Variants in EIF2B3 observed in about 807,000 individuals in gnomAD.
EIF2B3 encodes the protein translation initiation factor eIF2B subunit gamma.
A neutral mutation model predicts 54.1 loss-of-function variants in EIF2B3; 20 were observed. The ratio of observed to expected loss-of-function variants is 0.37; its 90% CI spans 0.26 to 0.54. The LOEUF is 0.54. Among genes scored for constraint, EIF2B3 ranks in the 20% least tolerant of loss-of-function variants. The pLI, the probability that EIF2B3 is intolerant of heterozygous loss-of-function variation, is 0.86. For missense variants in EIF2B3, 448 were observed against 547.8 expected (o/e 0.82, Z 1.82); for synonymous variants, 153 against 188.1 (o/e 0.81, Z 1.52).
chr1:44,951,953 A>T (rs1271585730), intron 3 of EIF2B3, among the ~76,000 whole-genome samples: 8 of 57,494 alleles, frequency 1.4e-4, no homozygotes, highest in African/African-American at 6.2e-4. Context: ...ATGCCTGGCT[A>T]ATTTTTTTTT....
At position 44,959,318 on chromosome 1, in the gene EIF2B3, G is replaced by A; in HGVS notation, c.295-17653C>T. ...CCTGAAACCAGCAACAGCTTATTTA[G>A]TTTTGCCTCTCCTCTCTGAGTGGTG... On this transcript the variant is annotated intron_variant, in intron 3 of 11. Coordinates refer to ENST00000360403, the MANE Select transcript of EIF2B3 (RefSeq NM_020365.5). 4.8e-6 allele frequency: 3 copies of A among 619,286 alleles called. No homozygotes were observed. The South Asian group carries it at 5.0e-5, about 10-fold the overall frequency. The allele number at this position is 619,286 out of a possible 1,614,324, so 38.4% of individuals were successfully genotyped here.
At chr1:44,974,260 T>G (rs72885293) in intron 3 of EIF2B3, among the ~76,000 whole-genome samples, 22 of 151,288 alleles carry the variant, frequency 1.5e-4, no homozygotes, top group Non-Finnish European at 2.7e-4. Flanking sequence ...GTATCACTTC[T>G]GTCCAGGAGT....
chr1:44,967,836 G>A (rs1328430591), intron 3 of EIF2B3, among the ~76,000 whole-genome samples: 3 of 151,304 alleles, frequency 2.0e-5, no homozygotes, highest in Non-Finnish European at 4.4e-5. Context: ...TCAGGAGTTC[G>A]AGACCAGCCT....
At chr1:44,866,934 G>GA (rs1654803538) in intron 10 of EIF2B3, among the ~76,000 whole-genome samples, 1 of 152,208 alleles carries the variant, frequency 6.6e-6, no homozygotes, top group Admixed American at 6.5e-5. Context: ...ATTTTTACAG[G>GA]AAAGAGCTCC....
At chr1:44,885,017 G>T (rs1057272147) in intron 6 of EIF2B3, among the ~76,000 whole-genome samples, 12 of 152,230 alleles carry the variant, frequency 7.9e-5, no homozygotes, top group African/African-American at 2.7e-4. Flanking sequence ...TTAAAGTGCA[G>T]GCAGCTCAGA....
intron 3 of EIF2B3, among the ~76,000 whole-genome samples, chr1:44,954,550 C>T (rs964083240): frequency 2.0e-5 from 3 of 152,106 alleles, no homozygotes; most frequent in Non-Finnish European, 4.4e-5. Flanking sequence ...TATAGGAATG[C>T]TTGTGATTTT....
intron 5 of EIF2B3, among the ~76,000 whole-genome samples, chr1:44,904,823 A>G (rs1569676252): frequency 6.6e-6 from 1 of 152,112 alleles, no homozygotes; most frequent in Admixed American, 6.6e-5. Flanking sequence ...AGATTTGGCA[A>G]TCTTAAACAT....
intron 10 of EIF2B3, among the ~76,000 whole-genome samples, chr1:44,874,187 G>A (rs891869759): frequency 6.6e-6 from 1 of 152,018 alleles, no homozygotes; most frequent in Non-Finnish European, 1.5e-5. Flanking sequence ...TAACAGTCTT[G>A]TTTTTGTTAA....
At chr1:44,934,032 G>T (rs4424549) in intron 4 of EIF2B3, among the ~76,000 whole-genome samples, 22,562 of 151,886 alleles carry the variant, frequency 0.15, 1,795 homozygotes, top group Non-Finnish European at 0.17. Flanking sequence ...TGAGGCAAGA[G>T]AATCACTTGA....
rs1654243492 is a variant in EIF2B3, at chr1:44,850,706, G to A, written c.*245C>T. On this transcript the variant is annotated 3_prime_UTR_variant, in exon 12 of 12. Transcript: ENST00000360403. ...CACCGATACATCTTGGCACACAAGA[G>A]TTAGGCCACTGTATCTGTCCTGTCC... 5 of 561,736 alleles carry A rather than the reference G, an allele frequency of 8.9e-6. No homozygotes were observed. Among genetic ancestry groups the A allele is most frequent in the Non-Finnish European group, 1.6e-5 (5 of 314,968 alleles). The allele number at this position is 561,736 out of a possible 1,614,324, so 34.8% of individuals were successfully genotyped here.
At chr1:44,983,691 G>A (rs950293733) in intron 1 of EIF2B3, among the ~76,000 whole-genome samples, 1 of 133,168 alleles carries the variant, frequency 7.5e-6, no homozygotes, top group Admixed American at 7.8e-5. Flanking sequence ...GGCCAACTTG[G>A]TGAAACTCTG....
chr1:44,897,548 G>A, intron 5 of EIF2B3, 104 bp from the exon 6 acceptor site: 1 of 900,070 alleles, frequency 1.1e-6, no homozygotes, highest in Non-Finnish European at 1.7e-6. Context: ...GTTTATGAGG[G>A]TCAGAGGCAT....
intron 3 of EIF2B3, among the ~76,000 whole-genome samples, chr1:44,962,546 G>A (rs1644296378): frequency 2.0e-5 from 3 of 152,134 alleles, no homozygotes; most frequent in African/African-American, 4.8e-5. Flanking sequence ...AAGTAGCTGT[G>A]ACTACTGGTG....
At position 44,943,101 on chromosome 1, in the gene EIF2B3, C is replaced by T. The variant is rs144734098; in HGVS notation, c.295-1436G>A. Among the ~76,000 whole-genome samples the T allele has an allele frequency of 5.1e-3, 780 of 152,152 alleles. 3 individuals are homozygous for T. Among genetic ancestry groups the T allele is most frequent in the East Asian group, 8.0e-3 (41 of 5,154 alleles). ...CTTGATTTCCTGACCTCGTGATCCA[C>T]CTGCCTTGGCCTCCCAAAGTGCTGG... is the stretch of plus-strand genomic sequence containing the variant. On this transcript the variant is annotated intron_variant, in intron 3 of 11. Coordinates refer to ENST00000360403, the MANE Select transcript of EIF2B3 (RefSeq NM_020365.5).
intron 6 of EIF2B3, 135 bp downstream of exon 6, chr1:44,897,220 A>G (rs1656000173): frequency 2.9e-6 from 2 of 685,182 alleles, no homozygotes; most frequent in Non-Finnish European, 5.1e-6. Flanking sequence ...TTTCTAAAAC[A>G]AAAATGAGAA....
At chr1:44,963,236 AAAAC>A (rs1016824166) in intron 3 of EIF2B3, among the ~76,000 whole-genome samples, 1 of 151,762 alleles carries the variant, frequency 6.6e-6, no homozygotes, top group African/African-American at 2.4e-5. Context: ...AAAAACAAAA[AAAAC>A]AAAACAAAAA....
intron 5 of EIF2B3, among the ~76,000 whole-genome samples, chr1:44,917,063 A>G (rs970514845): frequency 6.6e-6 from 1 of 152,182 alleles, no homozygotes; most frequent in Non-Finnish European, 1.5e-5. Context: ...ACTCAGAGGT[A>G]AGCCTAATTT....
At position 44,857,944 on chromosome 1, in the gene EIF2B3, T is replaced by A. The variant is rs921888525; in HGVS notation, c.1203-137A>T. 5.1e-6 allele frequency: 4 copies of A among 780,592 alleles called. No individual in the cohort carries two copies. The Admixed American group carries it at 7.9e-5, about 15-fold the overall frequency. The allele number at this position is 780,592 out of a possible 1,614,324, so 48.4% of individuals were successfully genotyped here. On this transcript the variant is annotated intron_variant, in intron 10 of 11. Coordinates refer to ENST00000360403, the MANE Select transcript of EIF2B3 (RefSeq NM_020365.5). ...GTTAATGGCTACGTGCCTCAAGTTA[T>A]CAGTGGAAGACAGAATGGTAAGCCA... is the stretch of plus-strand genomic sequence containing the variant.
At chr1:44,939,240 G>A (rs751705322) in intron 4 of EIF2B3, among the ~76,000 whole-genome samples, 26 of 150,964 alleles carry the variant, frequency 1.7e-4, no homozygotes, top group African/African-American at 2.2e-4. Context: ...AAACTCTTTC[G>A]TCTGATATCT....
Sources: gnomAD v4.1 joint callset for allele counts (sites outside exome capture counted in the v4.1 genomes callset) on GRCh38, gnomAD v4.1.1 for gene constraint, MANE v1.5 for transcripts, NCBI Gene and HGNC (gene_info 2026-07-23, HGNC 2026-07-21) for gene names.